The following ADAMTS12 variants were observed in gnomAD, a reference collection of about 807,000 sequenced individuals.
The protein encoded by ADAMTS12 is ADAM metallopeptidase with thrombospondin type 1 motif 12.
In ADAMTS12, 118 loss-of-function variants were observed where a neutral mutation model predicts 167.8. That is an observed-to-expected ratio of 0.70 (90% CI 0.61 to 0.82). The LOEUF is 0.82. Ranked by LOEUF, ADAMTS12 falls within the 40% of genes least tolerant of loss-of-function variation. The pLI is 0.00. For missense variants in ADAMTS12, 1,916 were observed against 1,998.8 expected, an observed-to-expected ratio of 0.96 and a Z score of 0.79; for synonymous variants, 704 against 716.9, an observed-to-expected ratio of 0.98 and a Z score of 0.29.
intron 22 of ADAMTS12, among the ~76,000 whole-genome samples, chr5:33,538,410 T>C (rs1744519997): frequency 6.6e-6 from 1 of 152,088 alleles, no homozygotes. Context: ...CAAGATGAGA[T>C]TTGGGTGGGG....
intron 2 of ADAMTS12, among the ~76,000 whole-genome samples, chr5:33,871,165 T>A (rs192119090): frequency 1.6e-4 from 25 of 152,318 alleles, no homozygotes; most frequent in African/African-American, 5.5e-4. Context: ...AAAATTTGAA[T>A]AGCCCTATTA....
chr5:33,571,798 T>G (rs1471167308), intron 19 of ADAMTS12, among the ~76,000 whole-genome samples: 1 of 150,868 alleles, frequency 6.6e-6, no homozygotes, highest in Non-Finnish European at 1.5e-5. Context: ...AAAAAATTAA[T>G]GAATCCAGGA....
intron 16 of ADAMTS12, among the ~76,000 whole-genome samples, chr5:33,607,349 A>ATATT (rs901496068): frequency 7.2e-5 from 11 of 152,362 alleles, no homozygotes; most frequent in Admixed American, 5.9e-4. Context: ...AACTAATAAT[A>ATATT]GAGTTCAGCA....
rs377179020 is a variant in ADAMTS12 at position 33,714,967 on chromosome 5, TAAAG to T, written c.635-30916_635-30913del. Among the ~76,000 whole-genome samples, 760 of 152,238 alleles carry T rather than the reference TAAAG, an allele frequency of 5.0e-3. 4 individuals are homozygous for T. Among genetic ancestry groups the T allele is most frequent in the Middle Eastern group, 0.027 (8 of 294 alleles). On this transcript the variant is annotated intron_variant, in intron 3 of 23. Coordinates refer to ENST00000504830, the MANE Select transcript of ADAMTS12 (RefSeq NM_030955.4). ...GAAAAGTTTTGAAACGTTCCCAAAA[TAAAG>T]AAATGATAAATCTTTTAGGTATTTG...
chr5:33,798,371 C>A (rs1420444950), intron 2 of ADAMTS12, among the ~76,000 whole-genome samples: 1 of 150,268 alleles, frequency 6.7e-6, no homozygotes, highest in African/African-American at 2.4e-5. Context: ...GGTTAGCAGA[C>A]AAGCCTTGTC....
At chr5:33,646,727 C>G (rs536437694) in intron 9 of ADAMTS12, among the ~76,000 whole-genome samples, 1 of 112,366 alleles carries the variant, frequency 8.9e-6, no homozygotes, top group Non-Finnish European at 2.1e-5. Flanking sequence ...CAAAATAACA[C>G]GTAATATGTT....
At chr5:33,718,594 T>C (rs1251111350) in intron 3 of ADAMTS12, among the ~76,000 whole-genome samples, 1 of 151,752 alleles carries the variant, frequency 6.6e-6, no homozygotes, top group Non-Finnish European at 1.5e-5. Flanking sequence ...ATGTCTTCCA[T>C]GAAATCAGTC....
intron 3 of ADAMTS12, among the ~76,000 whole-genome samples, chr5:33,702,417 C>T (rs1743036456): frequency 6.6e-6 from 1 of 152,168 alleles, no homozygotes; most frequent in African/African-American, 2.4e-5. Context: ...AGTTCTCTTA[C>T]TGAATACTTT....
At chr5:33,642,654 A>G (rs1002026040) in intron 10 of ADAMTS12, among the ~76,000 whole-genome samples, 1 of 152,180 alleles carries the variant, frequency 6.6e-6, no homozygotes, top group African/African-American at 2.4e-5. Flanking sequence ...CAAAAATGAA[A>G]ACAAAGGGAA....
intron 2 of ADAMTS12, among the ~76,000 whole-genome samples, chr5:33,872,404 G>A (rs764600693): frequency 1.4e-4 from 22 of 152,114 alleles, no homozygotes; most frequent in East Asian, 7.8e-4. Flanking sequence ...AAAATTAGCC[G>A]GGTATGGTGG....
Position 33,649,715 on chromosome 5 carries a change from A to G in ADAMTS12, c.1191-18T>C, listed in dbSNP as rs1422966995. 2 of 1,612,486 alleles carry G rather than the reference A, an allele frequency of 1.2e-6. No individual in the cohort carries two copies. Among genetic ancestry groups the G allele is most frequent in the African/African-American group, 2.7e-5 (2 of 74,898 alleles). On this transcript the variant is annotated intron_variant, in intron 7 of 23. Transcript: ENST00000504830. The stretch of plus-strand genomic sequence containing the variant: ...TGCCGAAGCTGGCAGGGAAGAACCA[A>G]GCACAAGAAGAGCCAGCAGGCAGGC...
At chr5:33,670,374 G>T (rs1741632129) in intron 5 of ADAMTS12, among the ~76,000 whole-genome samples, 1 of 152,156 alleles carries the variant, frequency 6.6e-6, no homozygotes, top group African/African-American at 2.4e-5. Context: ...AGGTAAAACT[G>T]AATCATTCAC....
At chr5:33,602,673 C>T (rs1738247361) in intron 16 of ADAMTS12, among the ~76,000 whole-genome samples, 1 of 152,148 alleles carries the variant, frequency 6.6e-6, no homozygotes, top group East Asian at 1.9e-4. Flanking sequence ...AGGGTTATAG[C>T]GGAATAGGTG....
chr5:33,856,213 A>G (rs1749397084), intron 2 of ADAMTS12, among the ~76,000 whole-genome samples: 1 of 152,134 alleles, frequency 6.6e-6, no homozygotes, highest in Non-Finnish European at 1.5e-5. Context: ...GTGGAAAAGG[A>G]TCTGTTGAAT....
intron 3 of ADAMTS12, among the ~76,000 whole-genome samples, chr5:33,708,286 G>C (rs111418944): frequency 0.53 from 80,605 of 151,914 alleles, 24,320 homozygotes; most frequent in Non-Finnish European, 0.69. Flanking sequence ...TCATTAAAAA[G>C]TCAGGAAACA....
At position 33,656,514 on chromosome 5, in the gene ADAMTS12, A is replaced by G. The variant is rs537051844; in HGVS notation, c.1190+1670T>C. Among the ~76,000 whole-genome samples, 37 of 152,326 alleles carry G rather than the reference A, an allele frequency of 2.4e-4. 1 individual carries two copies. The South Asian group carries it at 7.5e-3, about 31-fold the overall frequency. On this transcript the variant is annotated intron_variant, in intron 7 of 23. Coordinates refer to ENST00000504830, the MANE Select transcript of ADAMTS12 (RefSeq NM_030955.4). ...ATGCTTAACATATTCTTGTTACAAG[A>G]TCAGGTTGAACTTGAGGATAGAAAG... is the stretch of plus-strand genomic sequence containing the variant.
At chr5:33,661,622 G>A (rs1311113886) in intron 6 of ADAMTS12, among the ~76,000 whole-genome samples, 1 of 152,190 alleles carries the variant, frequency 6.6e-6, no homozygotes, top group Non-Finnish European at 1.5e-5. Flanking sequence ...TGTTTATAGA[G>A]CTACATGAAG....
chr5:33,624,284 T>C lies in ADAMTS12; in HGVS notation c.2090A>G (p.Asp697Gly). 1 of 1,614,068 alleles carries C rather than the reference T, an allele frequency of 6.2e-7. No individual in the cohort carries two copies. The highest frequency in any genetic ancestry group is 1.7e-4 in the Middle Eastern group (1 of 6,060). The change falls in exon 14 of 24, where the codon GAT becomes GGT. Residue 697 changes from aspartate to glycine, a missense_variant. Asp to Gly is a moderately conservative substitution (Grantham distance 94). Coordinates refer to ENST00000504830, the MANE Select transcript of ADAMTS12 (RefSeq NM_030955.4). ...TEDRCGVCLG[D>G]GSSCQTVRKM... ...TCTCACAGTCTGGCAGGAAGAGCCA[T>C]CTCCCAGGCACACACCGCAGCGATC...
rs1291853194 is a variant in ADAMTS12, at chr5:33,527,313, C to T, written c.4660G>A (p.Ala1554Thr). ...LSASFCQTLK[A>T]MKKCSVPTVR... is the part of the protein sequence containing the mutation. ...GTGGGCACAGAACATTTCTTCATGG[C>T]TTTCAGTGTCTGGCAGAAACTGGCT... The change falls in exon 24 of 24, where the codon GCC (alanine) becomes ACC (threonine). Residue 1554 changes from alanine (A) to threonine (T), a missense_variant. Physicochemically the swap from Ala to Thr is moderately conservative, Grantham distance 58 (BLOSUM62 0). Transcript: ENST00000504830. 1 of 1,614,114 alleles carries T rather than the reference C, an allele frequency of 6.2e-7. No homozygotes were observed. Among genetic ancestry groups the T allele is most frequent in the Non-Finnish European group, 8.5e-7 (1 of 1,180,014 alleles).
Sources: allele counts gnomAD v4.1 joint callset (sites outside exome capture counted in the v4.1 genomes callset), GRCh38; gene constraint gnomAD v4.1.1; transcripts MANE v1.5; gene names NCBI Gene and HGNC (gene_info 2026-07-23, HGNC 2026-07-21).